The following RSAD2 variants were observed in gnomAD, a reference collection of about 807,000 sequenced individuals.
RSAD2 encodes S-adenosylmethionine-dependent nucleotide dehydratase RSAD2.
In RSAD2, 38 loss-of-function variants were observed where a neutral mutation model predicts 37.7. The ratio of observed to expected loss-of-function variants is 1.01; its 90% CI spans 0.78 to 1.32. RSAD2 has a LOEUF of 1.32. Among genes scored for constraint, RSAD2 ranks in the 40% most tolerant of loss-of-function variants. The probability of loss-of-function intolerance (pLI) is 0.00; values close to 1 mark genes in which losing one functional copy is unlikely to be tolerated. For synonymous variants in RSAD2, 163 were observed against 157.4 expected (o/e 1.04, Z -0.27); for missense variants, 428 against 437.5 (o/e 0.98, Z 0.19).
At position 6,895,820 on chromosome 2, in the gene RSAD2, A is replaced by G. The variant is rs1663762610; in HGVS notation, c.964A>G (p.Lys322Glu). Residue 322 changes from lysine to glutamate, a missense_variant, in exon 6 of 6, where the codon AAG (lysine) becomes GAG (glutamate). Lys to Glu is a moderately conservative substitution (Grantham distance 56, BLOSUM62 1). Coordinates refer to ENST00000382040, the MANE Select transcript of RSAD2 (RefSeq NM_080657.5). ...TAGAAAGGGACGGAAGGACCCTTCCAAGTCCATCCTGGATGTTGGTGTAGA... is the reference window on the plus strand; with the variant it reads ...TAGAAAGGGACGGAAGGACCCTTCCGAGTCCATCCTGGATGTTGGTGTAGA... ...NCRKGRKDPS[K>E]SILDVGVEEA... 6.2e-7 allele frequency: 1 copy of G among 1,614,142 alleles called. No individual in the cohort carries two copies. The highest frequency in any genetic ancestry group is 8.5e-7 in the Non-Finnish European group (1 of 1,179,962).
intron 1 of RSAD2, among the ~76,000 whole-genome samples, chr2:6,870,551 C>G (rs1238383163): frequency 6.6e-6 from 1 of 152,134 alleles, no homozygotes; most frequent in Non-Finnish European, 1.5e-5. Flanking sequence ...TAGGTCTCAT[C>G]TATTGGAACC....
At chr2:6,884,067 A>T (rs551967642) in intron 2 of RSAD2, among the ~76,000 whole-genome samples, 1 of 152,370 alleles carries the variant, frequency 6.6e-6, no homozygotes, top group South Asian at 2.1e-4. Context: ...CTTAAAACTT[A>T]GCAAGAGCTT....
At chr2:6,884,578 A>G (rs1251239336) in intron 2 of RSAD2, among the ~76,000 whole-genome samples, 5 of 152,242 alleles carry the variant, frequency 3.3e-5, no homozygotes, top group Admixed American at 6.5e-5. Context: ...TCAGCCGTCC[A>G]GGATGTCCTC....
At position 6,897,405 on chromosome 2, in the gene RSAD2, A is replaced by G. The variant is rs776610562; in HGVS notation, c.*1463A>G. 6.6e-6 allele frequency: 1 copy of G among 152,206 alleles called. No individual in the cohort carries two copies. Among genetic ancestry groups the G allele is most frequent in the African/African-American group, 2.4e-5 (1 of 41,458 alleles). 9.4% of individuals were successfully genotyped at this position (152,206 alleles called of 1,614,324 possible). A position where few individuals can be genotyped will look rare whatever the true frequency, so the allele number is the denominator to read the frequency against. The stretch of plus-strand genomic sequence containing the variant: ...AAGCACCATCCAAAAAGTCTGCTTC[A>G]TAATCTATTTTCAAGACTTGGTGAT... On this transcript the variant is annotated 3_prime_UTR_variant, in exon 6 of 6. Transcript: ENST00000382040.
chr2:6,868,255 A>T (rs1200893025), intron 1 of RSAD2, among the ~76,000 whole-genome samples: 1 of 152,200 alleles, frequency 6.6e-6, no homozygotes, highest in East Asian at 1.9e-4. Flanking sequence ...AATAAATAAT[A>T]AAATGAAAAA....
At chr2:6,881,071 G>A in intron 1 of RSAD2, among the ~76,000 whole-genome samples, 1 of 151,954 alleles carries the variant, frequency 6.6e-6, no homozygotes, top group African/African-American at 2.4e-5. Context: ...CTTCCCTTTT[G>A]TTATTCTTCC....
chr2:6,873,127 C>T (rs908427459), upstream of RSAD2, among the ~76,000 whole-genome samples: 48 of 152,266 alleles, frequency 3.2e-4, no homozygotes, highest in African/African-American at 1.0e-3. Context: ...TTCTCTTGTT[C>T]TGACACTGCT....
upstream of RSAD2, among the ~76,000 whole-genome samples, chr2:6,875,592 T>G (rs769088941): frequency 6.6e-6 from 1 of 152,198 alleles, no homozygotes; most frequent in Non-Finnish European, 1.5e-5. Context: ...TTCCATACAC[T>G]TCCTAGGCAG....
rs1352121676 is a variant in RSAD2 at position 6,896,134 on chromosome 2, A to C, written c.*192A>C. On this transcript the variant is annotated 3_prime_UTR_variant, in exon 6 of 6. Transcript: ENST00000382040. ...ATAGCAAATCCTGAGACAATGGAAA[A>C]CCATTAACTTTACTTCATTGGCTTA... 1.1e-5 allele frequency: 6 copies of C among 524,776 alleles called. No homozygotes were observed. In the East Asian group the frequency reaches 1.7e-4, roughly 15 times the overall value. 32.5% of individuals were successfully genotyped at this position (524,776 alleles called of 1,614,324 possible). A position where few individuals can be genotyped will look rare whatever the true frequency, so the allele number is the denominator to read the frequency against.
At chr2:6,890,124 G>A (rs1663600719) in intron 3 of RSAD2, 52 bp from the exon 4 acceptor site, 18 of 1,589,572 alleles carry the variant, frequency 1.1e-5, no homozygotes, top group Non-Finnish European at 1.5e-5. Flanking sequence ...AGGTTTGGGG[G>A]AAAACACGAT....
intron 3 of RSAD2, among the ~76,000 whole-genome samples, chr2:6,888,678 G>T (rs1260636355): frequency 6.6e-6 from 1 of 152,164 alleles, no homozygotes; most frequent in East Asian, 1.9e-4. Flanking sequence ...CCATTCATCT[G>T]ATTCACTGTA....
chr2:6,892,211 G>A (rs921458374), intron 4 of RSAD2, among the ~76,000 whole-genome samples: 2 of 152,120 alleles, frequency 1.3e-5, no homozygotes, highest in African/African-American at 4.8e-5. Context: ...TCAAAGAGCA[G>A]ACATTCATTC....
upstream of RSAD2, chr2:6,877,302 G>GT (rs1663301543): frequency 6.5e-6 from 1 of 153,602 alleles, no homozygotes; most frequent in East Asian, 1.9e-4. Context: ...GGGTCTTGAG[G>GT]TGAATGATCC....
rs546965682 is a variant in RSAD2 at position 6,892,627 on chromosome 2, C to T, written c.889-1044C>T. Among the ~76,000 whole-genome samples the T allele has an allele frequency of 3.3e-5, 5 of 152,292 alleles. No individual in the cohort carries two copies. The South Asian group carries it at 8.3e-4, about 25-fold the overall frequency. ...CCCCAAAGCCCACAAACCTTTTAGC[C>T]AGTTTGTTTCAAACTTCATCAAATC... On this transcript the variant is annotated intron_variant, in intron 4 of 5. Transcript: ENST00000382040.
Position 6,883,343 on chromosome 2 carries a change from GGTAAAATTC to G in RSAD2, c.347-27_347-19del. 1.2e-6 allele frequency: 2 copies of G among 1,604,700 alleles called. No homozygotes were observed. ...AAATAATAATGTATATTTGTGAAGTGGTAAAATTCATGTATCACCTTGCACAGGTATGGA... is the reference window on the plus strand; with the variant it reads ...AAATAATAATGTATATTTGTGAAGTGATGTATCACCTTGCACAGGTATGGA... On this transcript the variant is annotated intron_variant, in intron 1 of 5. Coordinates refer to ENST00000382040, the MANE Select transcript of RSAD2 (RefSeq NM_080657.5).
intron 1 of RSAD2, among the ~76,000 whole-genome samples, chr2:6,866,903 A>G (rs545110017): frequency 5.3e-5 from 8 of 152,190 alleles, no homozygotes; most frequent in Admixed American, 2.6e-4. Context: ...AACAAACGTG[A>G]AATATAGATA....
At chr2:6,894,069 C>T (rs1031247506) in intron 5 of RSAD2, among the ~76,000 whole-genome samples, 2 of 152,220 alleles carry the variant, frequency 1.3e-5, no homozygotes, top group Non-Finnish European at 2.9e-5. Flanking sequence ...GATAGGGCAT[C>T]CAGCCTACTT....
chr2:6,889,617 C>G (rs1019048400), intron 3 of RSAD2, among the ~76,000 whole-genome samples: 1 of 152,132 alleles, frequency 6.6e-6, no homozygotes, highest in South Asian at 2.1e-4. Context: ...CTAGGACTGA[C>G]TTTTATTTTC....
chr2:6,876,049 T>G (rs1182769431), upstream of RSAD2, among the ~76,000 whole-genome samples: 1 of 152,216 alleles, frequency 6.6e-6, no homozygotes, highest in Non-Finnish European at 1.5e-5. Context: ...TGCTTTAGAC[T>G]ATCTCCTCCC....
Sources: allele counts gnomAD v4.1 joint callset (sites outside exome capture counted in the v4.1 genomes callset), GRCh38; gene constraint gnomAD v4.1.1; transcripts MANE v1.5; gene names NCBI Gene and HGNC (gene_info 2026-07-23, HGNC 2026-07-21).